Variants in EIF4G1 observed in about 807,000 individuals in gnomAD.
EIF4G1 encodes the protein eukaryotic translation initiation factor 4 gamma 1.
Under a neutral mutation model 187.8 loss-of-function variants are expected in EIF4G1, and 4 were observed. The observed-to-expected ratio is 0.02, with a 90% confidence interval of 0.01 to 0.05. The LOEUF is 0.05. EIF4G1 is among the 10% of genes least tolerant of loss of function. The pLI, the probability that EIF4G1 is intolerant of heterozygous loss-of-function variation, is 1.00. For missense variants in EIF4G1, 1,647 were observed against 2,081.1 expected (o/e 0.79, Z 4.06); for synonymous variants, 844 against 781.4 (o/e 1.08, Z -1.34).
chr3:184,326,408 A>G (rs894652584), intron 21 of EIF4G1, 119 bp from the exon 22 acceptor site: 2 of 1,060,070 alleles, frequency 1.9e-6, no homozygotes, highest in African/African-American at 3.1e-5. Context: ...CCTTTATTAA[A>G]AAAGATTTTC....
chr3:184,331,678 A>T, intron 30 of EIF4G1, 50 bp from the exon 31 acceptor site: 1 of 1,613,768 alleles, frequency 6.2e-7, no homozygotes, highest in Non-Finnish European at 8.5e-7. Context: ...AAGAATGAAG[A>T]CTGAAGGGCC....
rs1400181084 is a variant in EIF4G1 at position 184,327,686 on chromosome 3, C to A, written c.3762C>A (p.Leu1254=). The A allele has an allele frequency of 6.2e-7, 1 of 1,614,074 alleles. No homozygotes were observed. Among genetic ancestry groups the A allele is most frequent in the Non-Finnish European group, 8.5e-7 (1 of 1,179,928 alleles). The change falls in exon 25 of 33, where the codon CTC becomes CTA. Residue 1254 remains leucine (L), a synonymous_variant. Coordinates refer to ENST00000346169, the MANE Select transcript of EIF4G1 (RefSeq NM_198241.3). The stretch of plus-strand genomic sequence containing the variant: ...CCAAGGCTATCATTGAGGAATATCT[C>A]CATCTCAATGACATGAAAGTAGGCA... ...KKSKAIIEEY[L]HLNDMKEAVQ...
Position 184,325,832 on chromosome 3 carries a change from G to C in EIF4G1, c.3122-19G>C, listed in dbSNP as rs1724782062. 1 of 1,613,966 alleles carries C rather than the reference G, an allele frequency of 6.2e-7. No individual in the cohort carries two copies. The stretch of plus-strand genomic sequence containing the variant: ...TAGGATTTATTCATTATTCCAGTAT[G>C]CCCCTCTTTTTGTGTCAGGCCGTGG... On this transcript the variant is annotated intron_variant, in intron 20 of 32. Coordinates refer to ENST00000346169, the MANE Select transcript of EIF4G1 (RefSeq NM_198241.3). The surrounding 1 kb of genome is among the most constrained non-coding windows in gnomAD (Gnocchi z 5.2).
At chr3:184,329,657 T>C (rs1017851376) in intron 28 of EIF4G1, among the ~76,000 whole-genome samples, 9 of 152,126 alleles carry the variant, frequency 5.9e-5, no homozygotes, top group Non-Finnish European at 8.8e-5. Context: ...GACAGCTTGA[T>C]AAAAACAACA....
In EIF4G1 at chr3:184,316,655, T is replaced by C. The variant is rs925093731; in HGVS notation, c.147+437T>C. The C allele has an allele frequency of 3.4e-5, 52 of 1,516,434 alleles. No homozygotes were observed. In the East Asian group the frequency reaches 8.2e-4, roughly 24 times the overall value. The allele number at this position is 1,516,434 out of a possible 1,614,324, so 93.9% of individuals were successfully genotyped here. ...GTCCTGTCTTATTGCCTTCATTCCC[T>C]CCCCCCGCCATCACCTTGGGGGTAA... On this transcript the variant is annotated intron_variant, in intron 4 of 32. Coordinates refer to ENST00000346169, the MANE Select transcript of EIF4G1 (RefSeq NM_198241.3).
chr3:184,324,819 G>T, intron 17 of EIF4G1, 59 bp from the exon 18 acceptor site: 1 of 1,580,742 alleles, frequency 6.3e-7, no homozygotes, highest in Non-Finnish European at 8.6e-7. Context: ...AGGTAGAAAA[G>T]GGTTTTAGCC....
chr3:184,323,592 A>C lies in EIF4G1; in HGVS notation c.2273A>C (p.Gln758Pro). ...GAAGATGCTGATGGCAGCAAAACCCAGGTACTGGCAAGTCCTGCTTTTGGT... is the reference window on the plus strand; with the variant it reads ...GAAGATGCTGATGGCAGCAAAACCCCGGTACTGGCAAGTCCTGCTTTTGGT... ...GEEDADGSKT[Q>P]DLFRRVRSIL... Residue 758 changes from glutamine (Q) to proline (P), a missense_variant and splice_region_variant, in exon 15 of 33, where the codon CAG becomes CCG. By Grantham distance (76) the Gln-to-Pro change is moderately conservative. Transcript: ENST00000346169. This position sits in a 1 kb window ranked among gnomAD's most constrained non-coding sequence, Gnocchi z 6.9. The C allele has an allele frequency of 6.2e-7, 1 of 1,614,054 alleles. No individual in the cohort carries two copies.
Position 184,322,702 on chromosome 3 carries a change from C to G in EIF4G1, c.1767C>G (p.Pro589=). The G allele has an allele frequency of 4.3e-6, 7 of 1,614,090 alleles. No individual in the cohort carries two copies. The highest frequency in any genetic ancestry group is 5.9e-6 in the Non-Finnish European group (7 of 1,180,024). ...DKIHNAENIQ[P]GEQKYEYKSD... is the part of the protein sequence containing the mutation. Reference sequence around the variant, plus strand: ...TTCACAATGCTGAGAACATCCAGCCCGGGGAACAGAAGTATGAATATAAGT... The same window carrying G: ...TTCACAATGCTGAGAACATCCAGCCGGGGGAACAGAAGTATGAATATAAGT... Residue 589 remains proline (P), a synonymous_variant, in exon 12 of 33, where the codon CCC becomes CCG. Transcript: ENST00000346169.
intron 28 of EIF4G1, among the ~76,000 whole-genome samples, chr3:184,330,056 G>A (rs1024431934): frequency 2.0e-5 from 3 of 152,158 alleles, no homozygotes; most frequent in African/African-American, 4.8e-5. Context: ...CAACTCCAAG[G>A]TGCCATAGAT....
At chr3:184,329,270 C>T (rs920584505) in intron 28 of EIF4G1, 11 of 476,512 alleles carry the variant, frequency 2.3e-5, no homozygotes, top group Non-Finnish European at 3.9e-5. Context: ...TGTTGATGAT[C>T]ATTTATCATA....
intron 26 of EIF4G1, 68 bp downstream of exon 26, chr3:184,328,070 C>T (rs765285982): frequency 6.4e-6 from 10 of 1,558,308 alleles, no homozygotes; most frequent in Middle Eastern, 1.9e-4. Flanking sequence ...TTTTGGGACC[C>T]TTGGAACCTT....
rs1724969051 is a variant in EIF4G1, at chr3:184,326,648, G to T, written c.3325+19G>T. ...GACGCAGGTATGGAGGCAGTGTCAG[G>T]AGCTGGGTGGTTACCCGTCAGAGCT... On this transcript the variant is annotated intron_variant, in intron 22 of 32. Coordinates refer to ENST00000346169, the MANE Select transcript of EIF4G1 (RefSeq NM_198241.3). 2 of 1,606,406 alleles carry T rather than the reference G, an allele frequency of 1.2e-6. No homozygotes were observed. Among genetic ancestry groups the T allele is most frequent in the South Asian group, 1.1e-5 (1 of 91,048 alleles).
chr3:184,329,267 G>C, intron 28 of EIF4G1: 1 of 480,760 alleles, frequency 2.1e-6, no homozygotes, highest in Non-Finnish European at 3.8e-6. Flanking sequence ...TTTTGTTGAT[G>C]ATCATTTATC....
chr3:184,320,542 G>A (rs1723718397), intron 7 of EIF4G1, 88 bp from the exon 8 acceptor site: 1 of 1,608,192 alleles, frequency 6.2e-7, no homozygotes, highest in African/African-American at 1.3e-5. Flanking sequence ...TGGGGGGTGG[G>A]GAGTTGGCCC....
At chr3:184,319,173 T>C (rs931348237) in intron 6 of EIF4G1, 1 of 154,376 alleles carries the variant, frequency 6.5e-6, no homozygotes, top group African/African-American at 2.4e-5. Flanking sequence ...TAGTTCATAA[T>C]GTTACTTTGT....
rs988031952 is a variant in EIF4G1, at chr3:184,315,198, G to T, written c.-91-291G>T. The T allele has an allele frequency of 2.5e-5, 9 of 353,910 alleles. No homozygotes were observed. In the Admixed American group the frequency reaches 3.0e-4, roughly 12 times the overall value. 21.9% of individuals were successfully genotyped at this position (353,910 alleles called of 1,614,324 possible). A position where few individuals can be genotyped will look rare whatever the true frequency, so the allele number is the denominator to read the frequency against. On this transcript the variant is annotated intron_variant, in intron 1 of 32. Transcript: ENST00000346169. ...TGAAACCGGCTCCTCGACGGCCGCC[G>T]CCCGCCTGGCCTTTTAGGGCCTGAC... is the stretch of plus-strand genomic sequence containing the variant.
At chr3:184,319,495 T>A (rs2108474866) in intron 6 of EIF4G1, 194 bp from the exon 7 acceptor site, 1 of 571,026 alleles carries the variant, frequency 1.8e-6, no homozygotes, top group East Asian at 3.2e-5. Flanking sequence ...TAGGAATTCT[T>A]GTAAACGCAG....
chr3:184,320,778 TC>T (rs1365155144), intron 8 of EIF4G1, 56 bp downstream of exon 8: 9 of 1,612,518 alleles, frequency 5.6e-6, no homozygotes, highest in Non-Finnish European at 7.6e-6. Context: ...TGCCCTGGAC[TC>T]CCAAGTCCCT....
At chr3:184,317,875 T>G (rs570138881) in intron 6 of EIF4G1, 59 bp downstream of exon 6, 1 of 1,294,434 alleles carries the variant, frequency 7.7e-7, no homozygotes, top group East Asian at 2.3e-5. Flanking sequence ...TAAACTCATC[T>G]GCTGATTTCT....
Sources: allele counts gnomAD v4.1 joint callset (sites outside exome capture counted in the v4.1 genomes callset), GRCh38; gene constraint gnomAD v4.1.1; non-coding constraint Gnocchi (gnomAD v3.1); transcripts MANE v1.5; gene names NCBI Gene and HGNC (gene_info 2026-07-23, HGNC 2026-07-21).